The following C11orf65 variants were observed in gnomAD, a reference collection of about 807,000 sequenced individuals.
The protein encoded by C11orf65 is protein MFI.
Under a neutral mutation model 35.3 loss-of-function variants are expected in C11orf65, and 38 were observed. That is an observed-to-expected ratio of 1.08 (90% CI 0.83 to 1.41). C11orf65 has a LOEUF of 1.41. C11orf65 is among the 40% of genes most tolerant of loss of function. The pLI, the probability that C11orf65 is intolerant of heterozygous loss-of-function variation, is 0.00. For missense variants in C11orf65, 370 were observed against 367.1 expected, an observed-to-expected ratio of 1.01 and a Z score of -0.06; for synonymous variants, 105 against 114.4, an observed-to-expected ratio of 0.92 and a Z score of 0.53.
intron 6 of C11orf65, among the ~76,000 whole-genome samples, chr11:108,402,054 T>C (rs1011641895): frequency 2.0e-5 from 3 of 152,192 alleles, no homozygotes; most frequent in Non-Finnish European, 4.4e-5. Context: ...TTGTAACTGT[T>C]CTGGTTTATA....
At chr11:108,343,716 T>G (rs188377629) in intron 2 of C11orf65, among the ~76,000 whole-genome samples, 1 of 152,030 alleles carries the variant, frequency 6.6e-6, no homozygotes, top group East Asian at 1.9e-4. Flanking sequence ...AGAGGCTGAG[T>G]CTGGGGGATC....
intron 3 of C11orf65, among the ~76,000 whole-genome samples, chr11:108,409,051 A>C (rs1484854595): frequency 6.6e-6 from 1 of 152,142 alleles, no homozygotes; most frequent in Non-Finnish European, 1.5e-5. Context: ...AGGTGGACAG[A>C]TCTTAAGTGT....
chr11:108,371,857 C>T (rs545789012), intron 2 of C11orf65, among the ~76,000 whole-genome samples: 1 of 152,332 alleles, frequency 6.6e-6, no homozygotes, highest in African/African-American at 2.4e-5. Context: ...CATCAGTGCA[C>T]AAGGGTTGCA....
rs1467954363 is a variant in C11orf65 at position 108,361,595 on chromosome 11, CAG to C, written c.227-26305_227-26304del. ...AAACAACATGGTACTGGTACCAAAACAGAGATATAGATCAATGGAACAGAACA... is the reference window on the plus strand; with the variant it reads ...AAACAACATGGTACTGGTACCAAAACAGATATAGATCAATGGAACAGAACA... On this transcript the variant is annotated intron_variant, in intron 2 of 3. Coordinates refer to the C11orf65 transcript ENST00000524755. Among the ~76,000 whole-genome samples, 4 of 151,954 alleles carry C rather than the reference CAG, an allele frequency of 2.6e-5. 1 individual carries two copies. In the South Asian group the frequency reaches 6.3e-4, roughly 24 times the overall value.
intron 6 of C11orf65, among the ~76,000 whole-genome samples, chr11:108,318,132 C>T (rs2510636): frequency 4.6e-5 from 7 of 151,808 alleles, no homozygotes; most frequent in Non-Finnish European, 8.8e-5. Context: ...GAGGCCAAGG[C>T]GGGTGGATCG....
At chr11:108,331,787 C>T in intron 3 of C11orf65, 2 of 1,455,940 alleles carry the variant, frequency 1.4e-6, no homozygotes, top group Non-Finnish European at 9.5e-7. Context: ...AGTATCTAGA[C>T]AGTAATACAC....
chr11:108,356,711 A>T (rs896233458), intron 2 of C11orf65, among the ~76,000 whole-genome samples: 1 of 152,126 alleles, frequency 6.6e-6, no homozygotes, highest in Non-Finnish European at 1.5e-5. Context: ...TCACCAGAAG[A>T]AGGTAGTTCT....
In C11orf65 at chr11:108,392,021, T is replaced by C. The variant is rs1263078981; in HGVS notation, c.731+1187A>G. On this transcript the variant is annotated intron_variant, in intron 7 of 8. Coordinates refer to ENST00000393084, the MANE Select transcript of C11orf65 (RefSeq NM_152587.5). ...CTCCCATCTCTGCCTCCAAAAATGCTGGGATTACAGGCGTGAGCCACTACA... is the reference window on the plus strand; with the variant it reads ...CTCCCATCTCTGCCTCCAAAAATGCCGGGATTACAGGCGTGAGCCACTACA... Among the ~76,000 whole-genome samples the C allele has an allele frequency of 2.0e-5, 3 of 152,126 alleles. 1 individual carries two copies. Among genetic ancestry groups the C allele is most frequent in the Non-Finnish European group, 4.4e-5 (3 of 68,008 alleles).
At chr11:108,438,421 C>T (rs747468789) in intron 2 of C11orf65, among the ~76,000 whole-genome samples, 1 of 151,682 alleles carries the variant, frequency 6.6e-6, no homozygotes, top group Non-Finnish European at 1.5e-5. Context: ...GCATGTGGCG[C>T]ACTCCTGTAG....
chr11:108,467,224 T>C (rs1474299616), intron 1 of C11orf65, among the ~76,000 whole-genome samples: 1 of 152,022 alleles, frequency 6.6e-6, no homozygotes, highest in Non-Finnish European at 1.5e-5. Flanking sequence ...CCGACGCAAC[T>C]TCACCGAGGG....
chr11:108,353,849 G>A lies in C11orf65; in HGVS notation c.227-18557C>T, dbSNP rs746746663. Reference sequence around the variant, plus strand: ...CACCAGAGATATTGTGGATGGCATGGGCATTACGGGTGTTGAAGGTGTCTT... The same window carrying A: ...CACCAGAGATATTGTGGATGGCATGAGCATTACGGGTGTTGAAGGTGTCTT... On this transcript the variant is annotated intron_variant, in intron 2 of 3. Transcript: ENST00000524755. 2 of 1,613,764 alleles carry A rather than the reference G, an allele frequency of 1.2e-6. No homozygotes were observed. The highest frequency in any genetic ancestry group is 1.7e-6 in the Non-Finnish European group (2 of 1,179,872).
At chr11:108,445,227 T>C (rs1382330612) in intron 2 of C11orf65, among the ~76,000 whole-genome samples, 4 of 152,196 alleles carry the variant, frequency 2.6e-5, no homozygotes, top group Admixed American at 6.5e-5. Flanking sequence ...CAGACTTACA[T>C]GTCCCTGTCT....
At chr11:108,457,427 A>C (rs2093421822) in intron 2 of C11orf65, among the ~76,000 whole-genome samples, 1 of 152,120 alleles carries the variant, frequency 6.6e-6, no homozygotes, top group Non-Finnish European at 1.5e-5. Flanking sequence ...GTGGATCACT[A>C]GGTCAGGAGT....
downstream of C11orf65, chr11:108,331,310 C>T: frequency 6.9e-7 from 1 of 1,440,392 alleles, no homozygotes. Flanking sequence ...TGAAGGAAAA[C>T]AATATAGTTA....
intron 6 of C11orf65, among the ~76,000 whole-genome samples, chr11:108,394,473 T>G (rs1443728020): frequency 6.6e-6 from 1 of 152,222 alleles, no homozygotes; most frequent in Non-Finnish European, 1.5e-5. Context: ...GAGCCAGTAT[T>G]CAGACCCTTA....
At chr11:108,385,742 C>T (rs1443880989) in intron 8 of C11orf65, among the ~76,000 whole-genome samples, 178 bp downstream of exon 8, 1 of 151,886 alleles carries the variant, frequency 6.6e-6, no homozygotes, top group Admixed American at 6.6e-5. Flanking sequence ...TAATATAGGA[C>T]ATTTCCTTCT....
rs184098504 is a variant in C11orf65, at chr11:108,420,096, A to C, written c.174+11650T>G. Among the ~76,000 whole-genome samples the C allele has an allele frequency of 3.2e-3, 475 of 149,636 alleles. 1 individual carries two copies. The highest frequency in any genetic ancestry group is 5.7e-3 in the Non-Finnish European group (383 of 67,672). On this transcript the variant is annotated intron_variant, in intron 3 of 8. Coordinates refer to ENST00000393084, the MANE Select transcript of C11orf65 (RefSeq NM_152587.5). ...GTGCAAAAATTGATTGTCTTTCTAC[A>C]TAATAGCATCAAAAATAAGAAAATA...
intron 2 of C11orf65, among the ~76,000 whole-genome samples, chr11:108,375,306 C>T (rs1211022077): frequency 1.3e-5 from 2 of 151,882 alleles, no homozygotes; most frequent in Non-Finnish European, 2.9e-5. Flanking sequence ...ACCCTACAAG[C>T]CAGAAGAGAG....
intron 2 of C11orf65, among the ~76,000 whole-genome samples, chr11:108,456,755 CAA>C (rs2093415262): frequency 7.2e-6 from 1 of 138,796 alleles, no homozygotes; most frequent in Non-Finnish European, 1.6e-5. Flanking sequence ...CTAGCATGGG[CAA>C]AAGAGTGAAA....
Sources: gnomAD v4.1 joint callset for allele counts (sites outside exome capture counted in the v4.1 genomes callset) on GRCh38, gnomAD v4.1.1 for gene constraint, MANE v1.5 for transcripts, NCBI Gene and HGNC (gene_info 2026-07-23, HGNC 2026-07-21) for gene names.